PLCG2: variants seen among roughly 807,000 people sequenced by gnomAD.
PLCG2 encodes the protein 1-phosphatidylinositol 4,5-bisphosphate phosphodiesterase gamma-2.
A neutral mutation model predicts 175.6 loss-of-function variants in PLCG2; 69 were observed. The ratio of observed to expected loss-of-function variants is 0.39; its 90% confidence interval spans 0.32 to 0.48. The LOEUF is 0.48. Among genes scored for constraint, PLCG2 ranks in the 20% least tolerant of loss-of-function variants. The pLI is 0.91. For synonymous variants in PLCG2, 827 were observed against 624.0 expected, an observed-to-expected ratio of 1.33 and a Z score of -4.85; for missense variants, 1,798 against 1,650.9, an observed-to-expected ratio of 1.09 and a Z score of -1.54.
chr16:81,941,022 G>A (rs978173981), intron 30 of PLCG2, among the ~76,000 whole-genome samples: 2 of 152,190 alleles, frequency 1.3e-5, no homozygotes, highest in African/African-American at 4.8e-5. Flanking sequence ...CATTTTTCAA[G>A]AGAAAGATGA....
intron 2 of PLCG2, among the ~76,000 whole-genome samples, chr16:81,837,740 TG>T (rs1905600607): frequency 6.6e-6 from 1 of 152,104 alleles, no homozygotes; most frequent in Non-Finnish European, 1.5e-5. Context: ...TTGGAATTTT[TG>T]TTGAGATAAT....
chr16:81,831,633 A>T (rs1319535981), intron 2 of PLCG2, among the ~76,000 whole-genome samples: 1 of 152,124 alleles, frequency 6.6e-6, no homozygotes, highest in Non-Finnish European at 1.5e-5. Flanking sequence ...TTCAGCCCCA[A>T]GCTGTGGAGT....
intron 5 of PLCG2, among the ~76,000 whole-genome samples, chr16:81,861,953 G>T (rs1229929854): frequency 2.0e-5 from 3 of 152,186 alleles, no homozygotes; most frequent in African/African-American, 7.2e-5. Flanking sequence ...TCATCCCTGT[G>T]TGCTCACCGG....
At chr16:81,829,190 C>T (rs749472366) in intron 2 of PLCG2, among the ~76,000 whole-genome samples, 1 of 152,124 alleles carries the variant, frequency 6.6e-6, no homozygotes, top group Non-Finnish European at 1.5e-5. Context: ...CTCACTGCAA[C>T]CTCTGTCTTC....
intron 18 of PLCG2, among the ~76,000 whole-genome samples, chr16:81,912,149 T>C (rs1165471786): frequency 6.6e-6 from 1 of 151,844 alleles, no homozygotes; most frequent in East Asian, 1.9e-4. Flanking sequence ...GTCAGGCTGG[T>C]CTTGAACTCC....
intron 7 of PLCG2, among the ~76,000 whole-genome samples, chr16:81,873,557 T>G (rs570330079): frequency 6.6e-6 from 1 of 152,248 alleles, no homozygotes; most frequent in South Asian, 2.1e-4. Flanking sequence ...ATAACAGTTT[T>G]TTTTTTTTTA....
In PLCG2 at chr16:81,880,952, G is replaced by A; in HGVS notation, c.691G>A (p.Gly231Arg). The change falls in exon 8 of 33, where the codon GGG (glycine) becomes AGG (arginine). Residue 231 changes from glycine (G) to arginine (R), a missense_variant and splice_region_variant. Physicochemically the swap from Gly to Arg is moderately radical, Grantham distance 125 (BLOSUM62 -2). Transcript: ENST00000564138. ...FKKDSSVFIL[G>R]NTDRPDASAV... Reference sequence around the variant, plus strand: ...AAAGGATTCGTCCGTGTTCATCCTGGGGTGAGGCAGCTCTTGTGTGTCGTT... The same window carrying A: ...AAAGGATTCGTCCGTGTTCATCCTGAGGTGAGGCAGCTCTTGTGTGTCGTT... The A allele has an allele frequency of 6.2e-7, 1 of 1,614,092 alleles. No individual in the cohort carries two copies. Among genetic ancestry groups the A allele is most frequent in the Non-Finnish European group, 8.5e-7 (1 of 1,179,948 alleles).
intron 2 of PLCG2, among the ~76,000 whole-genome samples, chr16:81,819,135 G>C (rs1904683860): frequency 6.6e-6 from 1 of 152,060 alleles, no homozygotes; most frequent in Non-Finnish European, 1.5e-5. Flanking sequence ...CGGCCTGACT[G>C]TGGGGTTCAG....
intron 28 of PLCG2, 194 bp from the exon 29 acceptor site, chr16:81,938,607 T>A: frequency 1.7e-6 from 1 of 579,896 alleles, no homozygotes; most frequent in African/African-American, 1.9e-5. Context: ...AGGCTGATGC[T>A]GAGGAACTGT....
intron 19 of PLCG2, among the ~76,000 whole-genome samples, chr16:81,918,898 C>CT (rs59461906): frequency 1.5e-4 from 23 of 150,394 alleles, no homozygotes; most frequent in African/African-American, 4.1e-4. Context: ...AGACTTGTTT[C>CT]TTTTTTTTTT....
At chr16:81,775,109 T>C (rs1910370620), upstream of PLCG2, among the ~76,000 whole-genome samples, 1 of 152,158 alleles carries the variant, frequency 6.6e-6, no homozygotes. Flanking sequence ...CTCATGCATG[T>C]AAAGTGTACA....
chr16:81,905,003 T>C (rs1909305212), intron 14 of PLCG2, among the ~76,000 whole-genome samples: 1 of 152,218 alleles, frequency 6.6e-6, no homozygotes, highest in Admixed American at 6.5e-5. Context: ...TCTTACTGTC[T>C]CAGCCTCCTG....
At chr16:81,754,578 C>T (rs977525790) in intron 1 of PLCG2, among the ~76,000 whole-genome samples, 29 of 148,596 alleles carry the variant, frequency 2.0e-4, no homozygotes, top group Admixed American at 2.0e-4. Flanking sequence ...AAGCAGTGCA[C>T]AGCACTTCAC....
At chr16:81,908,734 G>A (rs1447982038) in intron 17 of PLCG2, 143 bp downstream of exon 17, 16 of 679,416 alleles carry the variant, frequency 2.4e-5, no homozygotes, top group East Asian at 5.8e-5. Flanking sequence ...CTTCTAGGCC[G>A]GGACAAGGGT....
chr16:81,887,619 C>G (rs995628133), intron 9 of PLCG2, among the ~76,000 whole-genome samples: 8 of 152,226 alleles, frequency 5.3e-5, no homozygotes, highest in African/African-American at 1.9e-4. Context: ...TGGTCACCAC[C>G]TGATTTGTGT....
At chr16:81,847,541 T>C (rs747255890) in intron 2 of PLCG2, among the ~76,000 whole-genome samples, 5 of 152,080 alleles carry the variant, frequency 3.3e-5, no homozygotes, top group Non-Finnish European at 7.4e-5. Context: ...AAGATACTTA[T>C]CACTGCAGAT....
At position 81,891,662 on chromosome 16, in the gene PLCG2, C is replaced by T. The variant is rs556351749; in HGVS notation, c.986+72C>T. The T allele has an allele frequency of 5.5e-5, 47 of 854,410 alleles. 1 individual carries two copies. The highest frequency in any genetic ancestry group is 5.5e-5 in the Non-Finnish European group (27 of 491,468). 52.9% of individuals were successfully genotyped at this position (854,410 alleles called of 1,614,324 possible). A position where few individuals can be genotyped will look rare whatever the true frequency, so the allele number is the denominator to read the frequency against. ...TGAGGGTTGAGGCAGGGGTCCGATACGCCGCTCCGGTGAGCCCTGTTGTGA... is the reference window on the plus strand; with the variant it reads ...TGAGGGTTGAGGCAGGGGTCCGATATGCCGCTCCGGTGAGCCCTGTTGTGA... On this transcript the variant is annotated intron_variant, in intron 11 of 32. Coordinates refer to ENST00000564138, the MANE Select transcript of PLCG2 (RefSeq NM_002661.5).
chr16:81,791,526 C>A (rs1006053161), intron 2 of PLCG2, among the ~76,000 whole-genome samples: 1 of 152,126 alleles, frequency 6.6e-6, no homozygotes, highest in East Asian at 1.9e-4. Flanking sequence ...CATCTGATAC[C>A]TTAGTGGTGA....
chr16:81,921,746 C>T (rs1329023584), intron 21 of PLCG2: 4 of 236,152 alleles, frequency 1.7e-5, no homozygotes, highest in African/African-American at 4.7e-5. Context: ...TAGTTTGAGC[C>T]GGCAGAGGAA....
Sources: allele counts gnomAD v4.1 joint callset (sites outside exome capture counted in the v4.1 genomes callset), GRCh38; gene constraint gnomAD v4.1.1; transcripts MANE v1.5; gene names NCBI Gene and HGNC (gene_info 2026-07-23, HGNC 2026-07-21).